Variants in AMMECR1 observed in about 807,000 individuals in gnomAD.
AMMECR1 encodes the protein nuclear protein AMMECR1.
AMMECR1 carries 3 observed loss-of-function variants against 22.5 expected under a neutral mutation model. The ratio of observed to expected loss-of-function variants is 0.13; its 90% CI spans 0.06 to 0.35. The LOEUF (loss-of-function observed/expected upper bound fraction) is 0.35, where lower values mean the gene tolerates loss of function less well. AMMECR1 is among the 10% of genes least tolerant of loss of function. AMMECR1 has a pLI of 1.00. For missense variants in AMMECR1, 235 were observed against 278.7 expected, an observed-to-expected ratio of 0.84 and a Z score of 1.12; for synonymous variants, 130 against 116.7, an observed-to-expected ratio of 1.11 and a Z score of -0.74.
At chrX:110,296,720 T>A (rs1319949912) in intron 1 of AMMECR1, among the ~76,000 whole-genome samples, 1 of 111,538 alleles carries the variant, frequency 9.0e-6, no homozygotes, top group Non-Finnish European at 1.9e-5. Flanking sequence ...CTTTATAACG[T>A]CTCTCTTTCT....
intron 2 of AMMECR1, among the ~76,000 whole-genome samples, chrX:110,398,158 A>G (rs1407071334): frequency 9.0e-6 from 1 of 111,609 alleles, no homozygotes; most frequent in Non-Finnish European, 1.9e-5. Context: ...GACTGTGTAA[A>G]CCCAACCTTC....
At chrX:110,304,297 T>C (rs1034219890) in intron 1 of AMMECR1, among the ~76,000 whole-genome samples, 3 of 112,222 alleles carry the variant, frequency 2.7e-5, no homozygotes, top group African/African-American at 9.7e-5. Context: ...TTATAATCCC[T>C]AGTACCTAAA....
intron 1 of AMMECR1, among the ~76,000 whole-genome samples, chrX:110,431,323 C>CTGTGTGTG (rs759432836): frequency 0.014 from 1,375 of 94,935 alleles, 36 homozygotes; most frequent in African/African-American, 0.052. Context: ...GAGGGGAAGG[C>CTGTGTGTG]TGTGTGTGTG....
chrX:110,274,204 G>A, intron 1 of AMMECR1, among the ~76,000 whole-genome samples: 1 of 111,588 alleles, frequency 9.0e-6, no homozygotes, highest in Non-Finnish European at 1.9e-5. Flanking sequence ...TTGTGAATTT[G>A]AAAAGAAAAT....
upstream of AMMECR1, among the ~76,000 whole-genome samples, chrX:110,320,876 T>G (rs765470762): frequency 8.9e-6 from 1 of 112,292 alleles, no homozygotes; most frequent in Admixed American, 9.4e-5. Flanking sequence ...TTGTATTGGC[T>G]GACTAAAAGG....
chrX:110,278,492 T>C (rs2067837105), intron 1 of AMMECR1, among the ~76,000 whole-genome samples: 2 of 111,694 alleles, frequency 1.8e-5, no homozygotes, highest in African/African-American at 6.5e-5. Context: ...GAAATAAGGA[T>C]AATTGCTTAC....
intron 2 of AMMECR1, among the ~76,000 whole-genome samples, chrX:110,372,465 T>C (rs765267204): frequency 1.8e-5 from 2 of 112,008 alleles, no homozygotes; most frequent in Non-Finnish European, 3.8e-5. Context: ...TTTGTGTACA[T>C]AAAATGTAGA....
At chrX:110,320,031 A>G (rs1320032647), upstream of AMMECR1, among the ~76,000 whole-genome samples, 1 of 112,580 alleles carries the variant, frequency 8.9e-6, no homozygotes, top group Non-Finnish European at 1.9e-5. Flanking sequence ...AAAATCTGGA[A>G]TGGTTAGATG....
intron 2 of AMMECR1, among the ~76,000 whole-genome samples, chrX:110,232,886 T>C (rs1488603712): frequency 1.1e-4 from 5 of 44,298 alleles, no homozygotes; most frequent in African/African-American, 5.4e-4. Context: ...CCAGACTCAG[T>C]CTCAAAAAAA....
At chrX:110,240,293 G>T (rs1183976610) in intron 2 of AMMECR1, among the ~76,000 whole-genome samples, 1 of 105,016 alleles carries the variant, frequency 9.5e-6, no homozygotes, top group East Asian at 3.0e-4. Context: ...AATCATTGGT[G>T]TGCTGTATTC....
chrX:110,343,616 C>T (rs924640324), intron 2 of AMMECR1, among the ~76,000 whole-genome samples: 2 of 111,413 alleles, frequency 1.8e-5, no homozygotes, highest in Non-Finnish European at 3.8e-5. Flanking sequence ...CCCCAAATCT[C>T]CTTAAGCTGA....
intron 2 of AMMECR1, among the ~76,000 whole-genome samples, chrX:110,374,346 AAT>A (rs1569417188): frequency 8.9e-6 from 1 of 112,213 alleles, no homozygotes; most frequent in Non-Finnish European, 1.9e-5. Flanking sequence ...TAAAAAAATG[AAT>A]ATGTTTTAAA....
At chrX:110,258,102 T>C (rs991292324) in intron 2 of AMMECR1, among the ~76,000 whole-genome samples, 7 of 112,164 alleles carry the variant, frequency 6.2e-5, no homozygotes, top group Admixed American at 5.7e-4. Context: ...CTGTGGCTCT[T>C]AATCAAAGCA....
At chrX:110,420,799 T>C (rs978091174) in intron 2 of AMMECR1, among the ~76,000 whole-genome samples, 1 of 111,583 alleles carries the variant, frequency 9.0e-6, no homozygotes, top group African/African-American at 3.3e-5. Context: ...TCATACTGAA[T>C]GGCTTTATTT....
At chrX:110,433,282 A>G (rs1240174766) in intron 1 of AMMECR1, among the ~76,000 whole-genome samples, 1 of 112,563 alleles carries the variant, frequency 8.9e-6, no homozygotes, top group Non-Finnish European at 1.9e-5. Context: ...CCGTATCCTC[A>G]AAGAAGTGAT....
intron 2 of AMMECR1, among the ~76,000 whole-genome samples, chrX:110,247,124 T>C (rs1173489199): frequency 2.7e-5 from 3 of 112,596 alleles, no homozygotes; most frequent in African/African-American, 9.7e-5. Context: ...TCTCTTCAAC[T>C]ACATCATTAA....
intron 2 of AMMECR1, among the ~76,000 whole-genome samples, chrX:110,372,448 G>A (rs938169222): frequency 1.8e-5 from 2 of 111,537 alleles, no homozygotes; most frequent in Non-Finnish European, 3.8e-5. Flanking sequence ...GCACATAAAG[G>A]CTTAAGTTTG....
Position 110,264,500 on chromosome X carries a change from G to A in AMMECR1, c.573C>T (p.Tyr191=). 4.2e-6 allele frequency: 5 copies of A among 1,190,448 alleles called. No individual in the cohort carries two copies. The highest frequency in any genetic ancestry group is 1.8e-5 in the South Asian group (1 of 54,802). ...AMNLHSGLRE[Y]TLTSALKDSR... is the part of the protein sequence containing the mutation. Reference sequence around the variant, plus strand: ...AAATTGGTCTTCACCTGGTAAGTGTGTACTCCCTGAGTCCTGAATGCAAAT... The same window carrying A: ...AAATTGGTCTTCACCTGGTAAGTGTATACTCCCTGAGTCCTGAATGCAAAT... Residue 191 remains tyrosine, a synonymous_variant, in exon 2 of 6, where the codon TAC becomes TAT. Coordinates refer to ENST00000262844, the MANE Select transcript of AMMECR1 (RefSeq NM_015365.3).
chrX:110,392,205 A>G (rs1167964704), intron 2 of AMMECR1, among the ~76,000 whole-genome samples: 7 of 110,951 alleles, frequency 6.3e-5, no homozygotes, highest in East Asian at 5.6e-4. Context: ...TCAAATGTAC[A>G]TGGGAGAAAA....
Sources: gnomAD v4.1 joint callset for allele counts (sites outside exome capture counted in the v4.1 genomes callset) on GRCh38, gnomAD v4.1.1 for gene constraint, MANE v1.5 for transcripts, NCBI Gene and HGNC (gene_info 2026-07-23, HGNC 2026-07-21) for gene names.